Variants in LMX1B observed in about 807,000 individuals in gnomAD.
The protein encoded by LMX1B is LIM homeobox transcription factor 1 beta, also known as LIM homeobox transcription factor 1-beta.
A neutral mutation model predicts 51.4 loss-of-function variants in LMX1B; 12 were observed. That is an observed-to-expected ratio of 0.23 (90% CI 0.15 to 0.38). The LOEUF (loss-of-function observed/expected upper bound fraction) is 0.38, where lower values mean the gene tolerates loss of function less well. Among genes scored for constraint, LMX1B ranks in the 10% least tolerant of loss-of-function variants. The pLI, the probability that LMX1B is intolerant of heterozygous loss-of-function variation, is 1.00. For missense variants in LMX1B, 445 were observed against 571.1 expected (o/e 0.78, Z 2.25); for synonymous variants, 237 against 235.4 (o/e 1.01, Z -0.06).
At chr9:126,667,477 G>A (rs1198125240) in intron 2 of LMX1B, among the ~76,000 whole-genome samples, 1 of 152,220 alleles carries the variant, frequency 6.6e-6, no homozygotes, top group Admixed American at 6.5e-5. Flanking sequence ...CCGCGTGACG[G>A]GAGCTGGAGT....
At chr9:126,687,402 G>A (rs1364091746) in intron 2 of LMX1B, among the ~76,000 whole-genome samples, 5 of 151,964 alleles carry the variant, frequency 3.3e-5, no homozygotes, top group African/African-American at 4.8e-5. Context: ...CTAATTTTTT[G>A]TATTTTTAGT....
At chr9:126,621,679 T>C (rs935571729) in intron 2 of LMX1B, among the ~76,000 whole-genome samples, 1 of 80,504 alleles carries the variant, frequency 1.2e-5, no homozygotes, top group African/African-American at 3.3e-5. Context: ...TTTTTTTTTT[T>C]TTGCAGTAAA....
In LMX1B at chr9:126,626,389, C is replaced by A. The variant is rs372664159; in HGVS notation, c.326+10820C>A. Among the ~76,000 whole-genome samples the A allele has an allele frequency of 9.1e-4, 139 of 152,286 alleles. 3 individuals carry two copies. The South Asian group carries it at 0.028, about 31-fold the overall frequency. On this transcript the variant is annotated intron_variant, in intron 2 of 7. Transcript: ENST00000373474. The surrounding 1 kb of genome is among the most constrained non-coding windows in gnomAD (Gnocchi z 4.3). ...CTGACAGCATAGGGACCGGGAGCTC[C>A]GATGGAGGAAACCCTTTCCGGGCAG...
intron 7 of LMX1B, 97 bp from the exon 8 acceptor site, chr9:126,696,197 T>C: frequency 7.6e-7 from 1 of 1,310,086 alleles, no homozygotes; most frequent in Non-Finnish European, 1.1e-6. Context: ...CCATCCTGTC[T>C]CTCCCTGGCC....
chr9:126,695,317 A>C lies in LMX1B; in HGVS notation c.887-522A>C, dbSNP rs1588308834. Among the ~76,000 whole-genome samples, 1 of 151,768 alleles carries C rather than the reference A, an allele frequency of 6.6e-6. No individual in the cohort carries two copies. ...GTCCCTCTCAGCTGGTCTCCCCCAC[A>C]CCGACCTCTCTCCCTGCCTCTTGGC... is the stretch of plus-strand genomic sequence containing the variant. On this transcript the variant is annotated intron_variant, in intron 6 of 7. Transcript: ENST00000373474. The surrounding 1 kb of genome is among the most constrained non-coding windows in gnomAD (Gnocchi z 5.2).
chr9:126,674,182 G>A (rs1427334504), intron 2 of LMX1B, among the ~76,000 whole-genome samples: 2 of 152,126 alleles, frequency 1.3e-5, no homozygotes, highest in Non-Finnish European at 2.9e-5. Flanking sequence ...CCGCACCAGG[G>A]AGCCAAGGAC....
intron 2 of LMX1B, among the ~76,000 whole-genome samples, chr9:126,666,019 C>T (rs552067016): frequency 2.6e-5 from 4 of 152,246 alleles, no homozygotes; most frequent in Non-Finnish European, 4.4e-5. Flanking sequence ...CAGAGGTTCC[C>T]GAGCTAGGCG....
chr9:126,615,066 G>T lies in LMX1B; in HGVS notation c.140-317G>T, dbSNP rs1835275618. Among the ~76,000 whole-genome samples, 1 of 152,120 alleles carries T rather than the reference G, an allele frequency of 6.6e-6. No individual in the cohort carries two copies. The highest frequency in any genetic ancestry group is 1.5e-5 in the Non-Finnish European group (1 of 68,004). On this transcript the variant is annotated intron_variant, in intron 1 of 7. Coordinates refer to ENST00000373474, the MANE Select transcript of LMX1B (RefSeq NM_001174147.2). This position sits in a 1 kb window ranked among gnomAD's most constrained non-coding sequence, Gnocchi z 6.0. The stretch of plus-strand genomic sequence containing the variant: ...CCCCAGCCTCACCTCGCCTGTCTTG[G>T]TCCCAGCCGGCCACCCTGCGCCGTG...
At chr9:126,686,292 A>AAAG (rs1554728031) in intron 2 of LMX1B, among the ~76,000 whole-genome samples, 8 of 151,956 alleles carry the variant, frequency 5.3e-5, no homozygotes, top group Non-Finnish European at 1.0e-4. Flanking sequence ...AAAAAAAAAA[A>AAAG]AAAAGAAATT....
At chr9:126,623,384 G>A (rs1276748657) in intron 2 of LMX1B, among the ~76,000 whole-genome samples, 1 of 152,186 alleles carries the variant, frequency 6.6e-6, no homozygotes, top group Non-Finnish European at 1.5e-5. Flanking sequence ...TGAACAGGGA[G>A]GCAGCCTGCA....
intron 2 of LMX1B, among the ~76,000 whole-genome samples, chr9:126,687,092 T>C (rs1246101483): frequency 6.6e-6 from 1 of 152,124 alleles, no homozygotes; most frequent in Non-Finnish European, 1.5e-5. Context: ...AAAGGCGTTT[T>C]GGGCACACAC....
intron 2 of LMX1B, among the ~76,000 whole-genome samples, chr9:126,646,111 G>T (rs1835895237): frequency 6.6e-6 from 1 of 152,208 alleles, no homozygotes; most frequent in Non-Finnish European, 1.5e-5. Flanking sequence ...CTTCTTGGCA[G>T]TGTGATTAGG....
At chr9:126,631,670 C>T (rs1453286888) in intron 2 of LMX1B, among the ~76,000 whole-genome samples, 1 of 152,196 alleles carries the variant, frequency 6.6e-6, no homozygotes, top group Non-Finnish European at 1.5e-5. Context: ...TTTGTGACCC[C>T]AGAACTGATT....
At chr9:126,627,910 G>A (rs1835564261) in intron 2 of LMX1B, among the ~76,000 whole-genome samples, 1 of 152,156 alleles carries the variant, frequency 6.6e-6, no homozygotes, top group Non-Finnish European at 1.5e-5. Context: ...CCCAGACTCT[G>A]GCTTTAACAC....
chr9:126,692,407 A>G (rs1213635318), intron 3 of LMX1B, among the ~76,000 whole-genome samples: 2 of 152,086 alleles, frequency 1.3e-5, no homozygotes, highest in African/African-American at 4.8e-5. Flanking sequence ...CATTTCTGAG[A>G]CCCAAACCTG....
intron 2 of LMX1B, among the ~76,000 whole-genome samples, chr9:126,620,993 G>A (rs911239665): frequency 1.3e-5 from 2 of 152,266 alleles, no homozygotes; most frequent in South Asian, 4.1e-4. Flanking sequence ...AACTCAGAAG[G>A]CCCCTCCAGC....
At chr9:126,652,285 TGAG>T (rs1836027137) in intron 2 of LMX1B, among the ~76,000 whole-genome samples, 1 of 97,014 alleles carries the variant, frequency 1.0e-5, no homozygotes, top group African/African-American at 4.2e-5. Context: ...AGCAGGAGTC[TGAG>T]GAGGAGAAGG....
chr9:126,662,128 C>T (rs1373365465), intron 2 of LMX1B, among the ~76,000 whole-genome samples: 1 of 152,218 alleles, frequency 6.6e-6, no homozygotes, highest in African/African-American at 2.4e-5. Context: ...CTACCAGTCC[C>T]TGCTTTGCTG....
intron 2 of LMX1B, among the ~76,000 whole-genome samples, chr9:126,623,852 C>T (rs1175962080): frequency 2.0e-5 from 3 of 152,180 alleles, no homozygotes; most frequent in Non-Finnish European, 4.4e-5. Flanking sequence ...CTTCCTTCGA[C>T]GTCCGGACAC....
Sources: allele counts gnomAD v4.1 joint callset (sites outside exome capture counted in the v4.1 genomes callset), GRCh38; gene constraint gnomAD v4.1.1; non-coding constraint Gnocchi (gnomAD v3.1); transcripts MANE v1.5; gene names NCBI Gene and HGNC (gene_info 2026-07-23, HGNC 2026-07-21).